Variants in ADGRB3 observed in about 807,000 individuals in gnomAD.
ADGRB3 encodes brain-specific angiogenesis inhibitor 3.
ADGRB3 carries 37 observed loss-of-function variants against 193.4 expected under a neutral mutation model. The ratio of observed to expected loss-of-function variants is 0.19; its 90% CI spans 0.15 to 0.25. The LOEUF (loss-of-function observed/expected upper bound fraction) is 0.25, where lower values mean the gene tolerates loss of function less well. Among genes scored for constraint, ADGRB3 ranks in the 10% least tolerant of loss-of-function variants. The probability of loss-of-function intolerance (pLI) is 1.00; values close to 1 mark genes in which losing one functional copy is unlikely to be tolerated. For synonymous variants in ADGRB3, 690 were observed against 644.2 expected (o/e 1.07, Z -1.08); for missense variants, 1,637 against 1,852.9 (o/e 0.88, Z 2.14).
At chr6:69,232,701 G>T (rs936777929) in intron 17 of ADGRB3, 4 of 1,312,652 alleles carry the variant, frequency 3.0e-6, no homozygotes, top group African/African-American at 2.9e-5. Context: ...TGCCGCTGCT[G>T]CTGCTTCCCG....
chr6:68,865,583 G>A (rs529359413), intron 3 of ADGRB3, among the ~76,000 whole-genome samples: 1 of 152,182 alleles, frequency 6.6e-6, no homozygotes, highest in East Asian at 1.9e-4. Flanking sequence ...CCTCATCATG[G>A]GTGGAACACT....
At chr6:68,744,964 A>T (rs1159802431) in intron 3 of ADGRB3, among the ~76,000 whole-genome samples, 2 of 152,160 alleles carry the variant, frequency 1.3e-5, no homozygotes, top group Non-Finnish European at 2.9e-5. Context: ...TTTTGTAACA[A>T]AGCAGGAATA....
At chr6:69,175,865 A>T (rs1294743847) in intron 17 of ADGRB3, among the ~76,000 whole-genome samples, 3 of 152,068 alleles carry the variant, frequency 2.0e-5, no homozygotes, top group Non-Finnish European at 2.9e-5. Flanking sequence ...CCTTGGTTAG[A>T]TGTATTCCTA....
At chr6:69,252,018 G>A (rs1218845009) in intron 20 of ADGRB3, among the ~76,000 whole-genome samples, 1 of 152,106 alleles carries the variant, frequency 6.6e-6, no homozygotes, top group Non-Finnish European at 1.5e-5. Context: ...GATATGGAAC[G>A]TTGTCATCAC....
chr6:68,703,231 A>G (rs1765272073), intron 3 of ADGRB3, among the ~76,000 whole-genome samples: 2 of 152,184 alleles, frequency 1.3e-5, no homozygotes, highest in Admixed American at 6.6e-5. Flanking sequence ...TTTCAAAACA[A>G]TCTTTTTTAT....
intron 17 of ADGRB3, among the ~76,000 whole-genome samples, chr6:69,171,144 T>C (rs1028038375): frequency 9.1e-6 from 1 of 109,386 alleles, no homozygotes; most frequent in African/African-American, 2.7e-5. Context: ...ATTCTCTTTT[T>C]CATAATGTCT....
intron 17 of ADGRB3, among the ~76,000 whole-genome samples, chr6:69,211,904 A>G (rs888255602): frequency 2.6e-5 from 4 of 152,260 alleles, no homozygotes; most frequent in African/African-American, 9.6e-5. Context: ...CATGTATTTT[A>G]CATAGTCTAG....
At chr6:69,061,362 C>A (rs1370317136) in intron 15 of ADGRB3, among the ~76,000 whole-genome samples, 3 of 151,568 alleles carry the variant, frequency 2.0e-5, no homozygotes, top group African/African-American at 7.3e-5. Flanking sequence ...TGCCAAAAAC[C>A]ACCTCATTAG....
chr6:68,863,004 C>G (rs950721085), intron 3 of ADGRB3, among the ~76,000 whole-genome samples: 16 of 152,068 alleles, frequency 1.1e-4, no homozygotes, highest in Admixed American at 2.6e-4. Context: ...CTATTCACAG[C>G]TATGATTATT....
At chr6:68,778,599 C>G (rs1766794879) in intron 3 of ADGRB3, among the ~76,000 whole-genome samples, 1 of 152,112 alleles carries the variant, frequency 6.6e-6, no homozygotes, top group Admixed American at 6.6e-5. Context: ...TTAATTCAGG[C>G]AGTTCCAATT....
intron 20 of ADGRB3, among the ~76,000 whole-genome samples, chr6:69,319,054 T>A (rs1768381634): frequency 1.3e-5 from 2 of 151,074 alleles, no homozygotes; most frequent in African/African-American, 4.8e-5. Flanking sequence ...CGATTTTATC[T>A]TTTTAAAATC....
In ADGRB3 at chr6:69,189,153, A is replaced by G. The variant is rs551613313; in HGVS notation, c.2481-44137A>G. 9.3e-4 allele frequency among the ~76,000 whole-genome samples: 142 copies of G among 152,340 alleles called. 1 individual carries two copies. Among genetic ancestry groups the G allele is most frequent in the African/African-American group, 3.3e-3 (138 of 41,584 alleles). The stretch of plus-strand genomic sequence containing the variant: ...AATGAAAACGAAACTGAAGTTCCAC[A>G]ATCTGGGAATAACATATGAATGTCA... On this transcript the variant is annotated intron_variant, in intron 17 of 31. Transcript: ENST00000370598.
chr6:68,875,525 G>A (rs1254656649), intron 3 of ADGRB3, among the ~76,000 whole-genome samples: 1 of 151,610 alleles, frequency 6.6e-6, no homozygotes, highest in Non-Finnish European at 1.5e-5. Flanking sequence ...TTAAATTTTA[G>A]TACTGGACTT....
chr6:69,284,606 G>T lies in ADGRB3; in HGVS notation c.2815-40266G>T, dbSNP rs186785426. On this transcript the variant is annotated intron_variant, in intron 20 of 31. Transcript: ENST00000370598. ...CCCTTTCTCTGAATCTTTCTAAAAG[G>T]ACTGGAAATGCAAATTGAAGCAGGA... Among the ~76,000 whole-genome samples the T allele has an allele frequency of 2.1e-3, 312 of 152,082 alleles. 2 individuals are homozygous for T. Among genetic ancestry groups the T allele is most frequent in the Non-Finnish European group, 3.8e-3 (257 of 68,010 alleles).
chr6:69,006,032 C>G (rs550412634), intron 11 of ADGRB3, among the ~76,000 whole-genome samples: 24 of 152,014 alleles, frequency 1.6e-4, no homozygotes, highest in Non-Finnish European at 2.5e-4. Flanking sequence ...CTTGGTCTTG[C>G]TTGATTAGGA....
At chr6:68,902,334 A>G (rs563780246) in intron 3 of ADGRB3, among the ~76,000 whole-genome samples, 2 of 152,184 alleles carry the variant, frequency 1.3e-5, no homozygotes, top group Admixed American at 1.3e-4. Context: ...CATCTGTAGT[A>G]ATTTTTTTTT....
Position 68,899,058 on chromosome 6 carries a change from A to G in ADGRB3, c.758-31501A>G, listed in dbSNP as rs373609915. 2.8e-4 allele frequency among the ~76,000 whole-genome samples: 42 copies of G among 152,298 alleles called. 1 individual carries two copies. Among genetic ancestry groups the G allele is most frequent in the African/African-American group, 9.4e-4 (39 of 41,584 alleles). ...CAGTTAATAATATCAATATTGGTTT[A>G]TTAGTTGTGACAAATATACCATAGT... On this transcript the variant is annotated intron_variant, in intron 3 of 31. Coordinates refer to ENST00000370598, the MANE Select transcript of ADGRB3 (RefSeq NM_001704.3).
chr6:68,813,603 C>T (rs942235849), intron 3 of ADGRB3, among the ~76,000 whole-genome samples: 96 of 151,274 alleles, frequency 6.3e-4, no homozygotes, highest in African/African-American at 2.1e-3. Context: ...ATGTGCACAA[C>T]GTGCAGGTTT....
intron 16 of ADGRB3, among the ~76,000 whole-genome samples, chr6:69,064,823 AAG>A (rs1196958326): frequency 2.6e-5 from 4 of 152,118 alleles, no homozygotes; most frequent in Non-Finnish European, 4.4e-5. Flanking sequence ...TAAATTAAAA[AAG>A]AGTAGTCTCA....
Sources: allele counts gnomAD v4.1 joint callset (sites outside exome capture counted in the v4.1 genomes callset), GRCh38; gene constraint gnomAD v4.1.1; transcripts MANE v1.5; gene names NCBI Gene and HGNC (gene_info 2026-07-23, HGNC 2026-07-21).